The following PRDM2 variants were observed in gnomAD, a reference collection of about 807,000 sequenced individuals.
The protein encoded by PRDM2 is PR domain zinc finger protein 2.
PRDM2 carries 30 observed loss-of-function variants against 130.0 expected under a neutral mutation model. That is an observed-to-expected ratio of 0.23 (90% CI 0.17 to 0.31). The LOEUF (loss-of-function observed/expected upper bound fraction) is 0.31. Among genes scored for constraint, PRDM2 ranks in the 10% least tolerant of loss-of-function variants. PRDM2 has a pLI of 1.00. For synonymous variants in PRDM2, 871 were observed against 782.4 expected, an observed-to-expected ratio of 1.11 and a Z score of -1.89; for missense variants, 2,011 against 2,108.4, an observed-to-expected ratio of 0.95 and a Z score of 0.90.
intron 8 of PRDM2, among the ~76,000 whole-genome samples, chr1:13,795,335 T>C (rs1223788175): frequency 6.6e-6 from 1 of 152,190 alleles, no homozygotes; most frequent in Non-Finnish European, 1.5e-5. Context: ...TTCTCCCATT[T>C]TACAAATGGG....
At chr1:13,754,792 G>A (rs1441268995) in intron 6 of PRDM2, among the ~76,000 whole-genome samples, 1 of 152,194 alleles carries the variant, frequency 6.6e-6, no homozygotes, top group Non-Finnish European at 1.5e-5. Flanking sequence ...TGACTTATAG[G>A]GCACTGGCCT....
At chr1:13,721,999 A>G (rs528865717) in intron 2 of PRDM2, among the ~76,000 whole-genome samples, 5 of 152,256 alleles carry the variant, frequency 3.3e-5, no homozygotes, top group Admixed American at 6.5e-5. Context: ...AGTGCCTGAC[A>G]TAGGAAACAC....
intron 8 of PRDM2, among the ~76,000 whole-genome samples, chr1:13,800,457 G>A (rs1447031079): frequency 6.6e-6 from 1 of 152,182 alleles, no homozygotes; most frequent in African/African-American, 2.4e-5. Context: ...CACCATCATT[G>A]TGTGCCATAG....
chr1:13,793,066 A>G (rs1287399445), intron 8 of PRDM2, among the ~76,000 whole-genome samples: 4 of 152,242 alleles, frequency 2.6e-5, no homozygotes, highest in Non-Finnish European at 5.9e-5. Flanking sequence ...GCTGATGGCC[A>G]GAGAGCAGTT....
chr1:13,743,938 G>A (rs1427605541), intron 5 of PRDM2, among the ~76,000 whole-genome samples: 1 of 152,182 alleles, frequency 6.6e-6, no homozygotes, highest in Non-Finnish European at 1.5e-5. Context: ...ATATAGGAGT[G>A]TGAAGTTGGA....
At chr1:13,811,338 A>G (rs928312341) in intron 8 of PRDM2, among the ~76,000 whole-genome samples, 1 of 152,190 alleles carries the variant, frequency 6.6e-6, no homozygotes, top group Admixed American at 6.5e-5. Context: ...CACAGTGACC[A>G]TGCCATCACC....
intron 2 of PRDM2, among the ~76,000 whole-genome samples, chr1:13,726,801 G>A (rs1328640475): frequency 2.0e-5 from 3 of 152,126 alleles, no homozygotes; most frequent in Admixed American, 1.3e-4. Flanking sequence ...AGCTAATAGG[G>A]AAGCAGAGAA....
At chr1:13,727,940 A>AT (rs1384873511) in intron 2 of PRDM2, among the ~76,000 whole-genome samples, 1 of 152,106 alleles carries the variant, frequency 6.6e-6, no homozygotes, top group African/African-American at 2.4e-5. Context: ...GGGGGAGAGA[A>AT]TTTTTTGAAA....
At chr1:13,745,556 C>T (rs1643577276) in intron 5 of PRDM2, among the ~76,000 whole-genome samples, 3 of 151,884 alleles carry the variant, frequency 2.0e-5, no homozygotes, top group African/African-American at 4.8e-5. Flanking sequence ...TCTTGAGTAG[C>T]TGGGACTATG....
intron 2 of PRDM2, among the ~76,000 whole-genome samples, chr1:13,720,624 A>G (rs1486771357): frequency 6.6e-6 from 1 of 152,198 alleles, no homozygotes; most frequent in Non-Finnish European, 1.5e-5. Flanking sequence ...GAAAATAATA[A>G]TAATAAAAAA....
intron 6 of PRDM2, among the ~76,000 whole-genome samples, chr1:13,753,392 AG>A (rs1397944752): frequency 1.3e-5 from 2 of 152,266 alleles, no homozygotes; most frequent in Non-Finnish European, 2.9e-5. Flanking sequence ...TATTTATCTC[AG>A]CGACTCTTAG....
chr1:13,817,021 G>A (rs556458587), intron 9 of PRDM2, among the ~76,000 whole-genome samples: 1 of 152,332 alleles, frequency 6.6e-6, no homozygotes, highest in South Asian at 2.1e-4. Flanking sequence ...ATTAAGCCCA[G>A]AAAAGATGAC....
intron 8 of PRDM2, among the ~76,000 whole-genome samples, chr1:13,809,244 G>A (rs1037788312): frequency 5.9e-5 from 9 of 152,342 alleles, no homozygotes; most frequent in African/African-American, 1.9e-4. Context: ...GGTCCGTTTT[G>A]CCTTTTGGGA....
At chr1:13,776,579 C>T (rs1644480212) in intron 7 of PRDM2, among the ~76,000 whole-genome samples, 1 of 152,206 alleles carries the variant, frequency 6.6e-6, no homozygotes, top group African/African-American at 2.4e-5. Flanking sequence ...CTCTCCATCT[C>T]CTTCCATTCT....
intron 8 of PRDM2, among the ~76,000 whole-genome samples, chr1:13,792,205 T>C (rs774629325): frequency 1.3e-5 from 2 of 152,228 alleles, no homozygotes; most frequent in Non-Finnish European, 2.9e-5. Context: ...CAATCTGGAA[T>C]CCTACATCTA....
chr1:13,711,531 A>G (rs935333444), intron 1 of PRDM2, among the ~76,000 whole-genome samples: 3 of 152,250 alleles, frequency 2.0e-5, no homozygotes, highest in African/African-American at 7.2e-5. Context: ...TTAAGTGCCC[A>G]TAAGGAAAGG....
intron 8 of PRDM2, among the ~76,000 whole-genome samples, chr1:13,810,207 C>T (rs2235517): frequency 0.016 from 2,508 of 152,160 alleles, 51 homozygotes; most frequent in East Asian, 0.049. Flanking sequence ...TCCCCAAGGA[C>T]GAAATTAAGC....
rs188343799 is a variant in PRDM2 at position 13,807,468 on chromosome 1, G to A, written c.5037-8959G>A. On this transcript the variant is annotated intron_variant, in intron 8 of 9. Transcript: ENST00000311066. ...AACGCAGCTCTGTTGATGGGGATAA[G>A]CACAACTCAGAAAGTAAAAGGGAGT... Among the ~76,000 whole-genome samples the A allele has an allele frequency of 6.6e-5, 10 of 152,330 alleles. No homozygotes were observed. In the East Asian group the frequency reaches 1.7e-3, roughly 26 times the overall value.
At chr1:13,804,198 A>G (rs1645053227) in intron 8 of PRDM2, among the ~76,000 whole-genome samples, 2 of 152,200 alleles carry the variant, frequency 1.3e-5, no homozygotes, top group South Asian at 4.2e-4. Flanking sequence ...CTAATTCCTC[A>G]TGGTCAACTG....
Sources: gnomAD v4.1 joint callset for allele counts (sites outside exome capture counted in the v4.1 genomes callset) on GRCh38, gnomAD v4.1.1 for gene constraint, MANE v1.5 for transcripts, NCBI Gene and HGNC (gene_info 2026-07-23, HGNC 2026-07-21) for gene names.